ACSBG1: variants seen among roughly 807,000 people sequenced by gnomAD.
ACSBG1 encodes the protein long-chain-fatty-acid--CoA ligase ACSBG1.
Under a neutral mutation model 80.2 loss-of-function variants are expected in ACSBG1, and 39 were observed. That is an observed-to-expected ratio of 0.49 (90% CI 0.38 to 0.64). The LOEUF is 0.64. Ranked by LOEUF, ACSBG1 falls within the 30% of genes least tolerant of loss-of-function variation. ACSBG1 has a pLI of 0.00. For synonymous variants in ACSBG1, 392 were observed against 379.5 expected, an observed-to-expected ratio of 1.03 and a Z score of -0.38; for missense variants, 828 against 966.4, an observed-to-expected ratio of 0.86 and a Z score of 1.90.
rs2074764170 is a variant in ACSBG1 at position 78,167,796 on chromosome 15, A to G, written c.*3648T>C. 1 of 152,234 alleles carries G rather than the reference A, an allele frequency of 6.6e-6. No individual in the cohort carries two copies. Among genetic ancestry groups the G allele is most frequent in the Admixed American group, 6.5e-5 (1 of 15,284 alleles). The allele number at this position is 152,234 out of a possible 1,614,324, so 9.4% of individuals were successfully genotyped here. On this transcript the variant is annotated 3_prime_UTR_variant, in exon 14 of 14. Transcript: ENST00000258873. The stretch of plus-strand genomic sequence containing the variant: ...GAGTCTGGCTTATTTCACTTAGCGT[A>G]ATATCTTCAAAGTTGGTCCCTTCTT...
Position 78,172,158 on chromosome 15 carries a change from T to C in ACSBG1, c.2090-629A>G, listed in dbSNP as rs954903841. ...GCAAGTGACTGCACCCAGCTCACAT[T>C]GACTGTAATCCCGTGAGACCCAAGC... On this transcript the variant is annotated intron_variant, in intron 13 of 13. Coordinates refer to ENST00000258873, the MANE Select transcript of ACSBG1 (RefSeq NM_015162.5). This position sits in a 1 kb window ranked among gnomAD's most constrained non-coding sequence, Gnocchi z 4.1. Among the ~76,000 whole-genome samples, 1 of 152,242 alleles carries C rather than the reference T, an allele frequency of 6.6e-6. No homozygotes were observed. The highest frequency in any genetic ancestry group is 1.5e-5 in the Non-Finnish European group (1 of 68,042).
In ACSBG1 at chr15:78,234,493, G is replaced by A. The variant is rs375363803; in HGVS notation, c.9C>T (p.Arg3=). The change falls in exon 1 of 14, where the codon CGC becomes CGT. Residue 3 remains arginine (R), a synonymous_variant. Transcript: ENST00000258873. MP[R]NSGAGYGCPH... is the part of the protein sequence containing the mutation. ...GGCAGCCGTATCCAGCTCCAGAATT[G>A]CGTGGCATCTGCCTCGGGCTTCCAC... The A allele has an allele frequency of 1.3e-4, 207 of 1,611,212 alleles. No individual in the cohort carries two copies. Among genetic ancestry groups the A allele is most frequent in the Non-Finnish European group, 1.7e-4 (195 of 1,180,008 alleles).
chr15:78,234,233 C>T, intron 1 of ACSBG1, 138 bp downstream of exon 1: 1 of 1,265,524 alleles, frequency 7.9e-7, no homozygotes, highest in Non-Finnish European at 1.1e-6. Context: ...TACGGATCGC[C>T]CAGATCCTTC....
chr15:78,191,824 T>C (rs2075059474), intron 5 of ACSBG1, among the ~76,000 whole-genome samples: 1 of 152,018 alleles, frequency 6.6e-6, no homozygotes, highest in African/African-American at 2.4e-5. Context: ...ACCTATGGGG[T>C]GACATAATGA....
In ACSBG1 at chr15:78,218,735, T is replaced by C. The variant is rs116689437; in HGVS notation, c.132-10633A>G. 6.5e-3 allele frequency among the ~76,000 whole-genome samples: 967 copies of C among 148,974 alleles called. 10 individuals are homozygous for C. Among genetic ancestry groups the C allele is most frequent in the African/African-American group, 0.023 (931 of 40,524 alleles). On this transcript the variant is annotated intron_variant, in intron 1 of 13. Transcript: ENST00000258873. ...GTTATACAGATAGTAATGGGGATGA[T>C]TGAGTTTCAAATCGAGGCAATCTGA...
At chr15:78,225,704 A>T (rs966032079) in intron 1 of ACSBG1, among the ~76,000 whole-genome samples, 1 of 152,160 alleles carries the variant, frequency 6.6e-6, no homozygotes, top group East Asian at 1.9e-4. Flanking sequence ...TACATTTTAC[A>T]TAGAAGTACA....
At chr15:78,232,944 G>T (rs1595910453) in intron 1 of ACSBG1, among the ~76,000 whole-genome samples, 1 of 152,202 alleles carries the variant, frequency 6.6e-6, no homozygotes, top group South Asian at 2.1e-4. Context: ...GCCTCCCAAA[G>T]TGCTGGGATT....
chr15:78,222,067 T>C (rs1051749522), intron 1 of ACSBG1, among the ~76,000 whole-genome samples: 1 of 152,170 alleles, frequency 6.6e-6, no homozygotes, highest in Admixed American at 6.5e-5. Context: ...AACTGAGGAA[T>C]GGGTAAACAA....
At chr15:78,231,112 T>G (rs2075443259) in intron 1 of ACSBG1, among the ~76,000 whole-genome samples, 1 of 152,052 alleles carries the variant, frequency 6.6e-6, no homozygotes, top group Non-Finnish European at 1.5e-5. Context: ...TGCCACCACA[T>G]CTGGCTAATT....
At chr15:78,191,989 A>C (rs2075061197) in intron 5 of ACSBG1, among the ~76,000 whole-genome samples, 1 of 152,128 alleles carries the variant, frequency 6.6e-6, no homozygotes, top group Admixed American at 6.5e-5. Context: ...GTTAAAACAA[A>C]GTCATTAGGG....
Position 78,173,722 on chromosome 15 carries a change from CCTT to C in ACSBG1, c.1957_1959del (p.Lys653del), listed in dbSNP as rs781239810. ...TCGATGGCCTGGTACACGGCCTCAT[CCTT>C]CTTCTCTATGATCTCGGACACTGTG... On this transcript the variant is annotated inframe_deletion, in exon 13 of 14. Coordinates refer to ENST00000258873, the MANE Select transcript of ACSBG1 (RefSeq NM_015162.5). The C allele has an allele frequency of 5.0e-6, 8 of 1,614,116 alleles. No individual in the cohort carries two copies. The highest frequency in any genetic ancestry group is 2.2e-5 in the East Asian group (1 of 44,896).
chr15:78,220,504 G>C (rs2075351892), intron 1 of ACSBG1, among the ~76,000 whole-genome samples: 1 of 151,978 alleles, frequency 6.6e-6, no homozygotes. Flanking sequence ...TGTGCTTCAA[G>C]GGACATCATC....
Position 78,169,127 on chromosome 15 carries a change from G to A in ACSBG1, c.*2317C>T. 1.8e-6 allele frequency: 1 copy of A among 554,924 alleles called. No individual in the cohort carries two copies. The highest frequency in any genetic ancestry group is 3.1e-6 in the Non-Finnish European group (1 of 322,648). 34.4% of individuals were successfully genotyped at this position (554,924 alleles called of 1,614,324 possible). ...TTCTTGACAGTACATTTTTAGATCTGGCCTTTTCTTAACAAAATCTGTGCA... is the reference window on the plus strand; with the variant it reads ...TTCTTGACAGTACATTTTTAGATCTAGCCTTTTCTTAACAAAATCTGTGCA... On this transcript the variant is annotated 3_prime_UTR_variant, in exon 14 of 14. Transcript: ENST00000258873.
intron 1 of ACSBG1, among the ~76,000 whole-genome samples, chr15:78,223,679 G>A (rs373841276): frequency 6.6e-6 from 1 of 152,216 alleles, no homozygotes; most frequent in Non-Finnish European, 1.5e-5. Context: ...AGTTATCCAC[G>A]TAGTGTTACC....
chr15:78,208,033 C>G lies in ACSBG1; in HGVS notation c.201G>C (p.Glu67Asp), dbSNP rs933688100. The G allele has an allele frequency of 1.3e-5, 20 of 1,570,064 alleles. No individual in the cohort carries two copies. Among genetic ancestry groups the G allele is most frequent in the African/African-American group, 2.7e-5 (2 of 73,236 alleles). The change falls in exon 2 of 14, where the codon GAG becomes GAC. Residue 67 changes from glutamate to aspartate, a missense_variant. This residue lies in a region of ACSBG1 where 356 missense variants were observed against 363.5 expected (regional missense o/e 0.98). Transcript: ENST00000258873. ...CATCCCACTGGGCATTATTCACCTT[C>G]TCTGGCACTGAGAGCTCGAGAGCAT... ...LNHALELSVP[E>D]KVNNAQWDAP...
At chr15:78,224,448 G>GCA (rs1397183326) in intron 1 of ACSBG1, among the ~76,000 whole-genome samples, 2 of 152,146 alleles carry the variant, frequency 1.3e-5, no homozygotes, top group Admixed American at 6.5e-5. Context: ...GGCCGGGCGT[G>GCA]GTGGCTCACT....
At chr15:78,216,215 T>C (rs11636312) in intron 1 of ACSBG1, among the ~76,000 whole-genome samples, 21,277 of 152,220 alleles carry the variant, frequency 0.14, 1,861 homozygotes, top group Non-Finnish European at 0.2. Flanking sequence ...GCACCTCCTC[T>C]GTGCCGGATG....
intron 2 of ACSBG1, among the ~76,000 whole-genome samples, chr15:78,201,852 C>T (rs577884671): frequency 2.3e-4 from 35 of 152,310 alleles, no homozygotes; most frequent in African/African-American, 7.9e-4. Flanking sequence ...ATTGGCCCTG[C>T]GACCCCGACA....
In ACSBG1 at chr15:78,234,392, G is replaced by C; in HGVS notation, c.110C>G (p.Thr37Ser). 1 of 1,612,150 alleles carries C rather than the reference G, an allele frequency of 6.2e-7. No individual in the cohort carries two copies. Among genetic ancestry groups the C allele is most frequent in the Non-Finnish European group, 8.5e-7 (1 of 1,180,010 alleles). ...TTACCTGGTTTTCAATTTTTCTTGGGTGGTCCTCACAATCATGTCCTGCCG... is the reference window on the plus strand; with the variant it reads ...TTACCTGGTTTTCAATTTTTCTTGGCTGGTCCTCACAATCATGTCCTGCCG... ...ESRQDMIVRT[T>S]QEKLKTSSLT... is the part of the protein sequence containing the mutation. Residue 37 changes from threonine to serine, a missense_variant, in exon 1 of 14, where the codon ACC (threonine) becomes AGC (serine). Transcript: ENST00000258873.
Sources: gnomAD v4.1 joint callset for allele counts (sites outside exome capture counted in the v4.1 genomes callset) on GRCh38, gnomAD v4.1.1 for gene constraint, gnomAD v4.1.1 regional missense constraint, Gnocchi (gnomAD v3.1) non-coding constraint, MANE v1.5 for transcripts, NCBI Gene and HGNC (gene_info 2026-07-23, HGNC 2026-07-21) for gene names.